CATSPERG: variants seen among roughly 807,000 people sequenced by gnomAD.
The protein encoded by CATSPERG is catsper channel auxiliary subunit gamma.
A neutral mutation model predicts 145.0 loss-of-function variants in CATSPERG; 115 were observed. The ratio of observed to expected loss-of-function variants is 0.79; its 90% CI spans 0.68 to 0.93. The LOEUF is 0.93. CATSPERG is among the 40% of genes least tolerant of loss of function. The probability of loss-of-function intolerance (pLI) is 0.00; values close to 1 mark genes in which losing one functional copy is unlikely to be tolerated. For synonymous variants in CATSPERG, 588 were observed against 589.0 expected, an observed-to-expected ratio of 1.00 and a Z score of 0.02; for missense variants, 1,296 against 1,490.1, an observed-to-expected ratio of 0.87 and a Z score of 2.14.
rs773703205 is a variant in CATSPERG, at chr19:38,368,136, G to A, written c.3019G>A (p.Glu1007Lys). 13 of 1,613,840 alleles carry A rather than the reference G, an allele frequency of 8.1e-6. No individual in the cohort carries two copies. The Admixed American group carries it at 1.7e-4, about 21-fold the overall frequency. The part of the protein sequence containing the change: ...HIMSHESPGI[E>K]WLCLENAPCY... ...CATGTCCCACGAGAGCCCAGGCATCGAGTGAGTGCGTAGCCTGGCCCCTCT... is the reference window on the plus strand; with the variant it reads ...CATGTCCCACGAGAGCCCAGGCATCAAGTGAGTGCGTAGCCTGGCCCCTCT... Residue 1007 changes from glutamate (E) to lysine (K), a missense_variant and splice_region_variant, in exon 26 of 29, where the codon GAG becomes AAG. Coordinates refer to ENST00000409235, the MANE Select transcript of CATSPERG (RefSeq NM_021185.5).
At chr19:38,356,985 C>A in intron 11 of CATSPERG, 124 bp downstream of exon 11, 1 of 1,270,398 alleles carries the variant, frequency 7.9e-7, no homozygotes, top group African/African-American at 1.5e-5. Flanking sequence ...TGTGTCACTC[C>A]TGGTTGAGGA....
Position 38,368,109 on chromosome 19 carries a change from A to G in CATSPERG, c.2992A>G (p.Ile998Val), listed in dbSNP as rs1453030523. 4.3e-6 allele frequency: 7 copies of G among 1,613,906 alleles called. No individual in the cohort carries two copies. Among genetic ancestry groups the G allele is most frequent in the Non-Finnish European group, 4.2e-6 (5 of 1,179,986 alleles). The change falls in exon 26 of 29, where the codon ATC becomes GTC. Residue 998 changes from isoleucine (I) to valine (V), a missense_variant. Coordinates refer to ENST00000409235, the MANE Select transcript of CATSPERG (RefSeq NM_021185.5). Reference protein sequence around the residue: ...TRTTKDSAFHIMSHESPGIEW... With the variant: ...TRTTKDSAFHVMSHESPGIEW... ...GACCACCAAAGACTCAGCCTTTCACATCATGTCCCACGAGAGCCCAGGCAT... is the reference window on the plus strand; with the variant it reads ...GACCACCAAAGACTCAGCCTTTCACGTCATGTCCCACGAGAGCCCAGGCAT...
chr19:38,362,977 ATCC>A (rs1359834689), intron 20 of CATSPERG, 145 bp downstream of exon 20: 21 of 625,216 alleles, frequency 3.4e-5, no homozygotes, highest in Middle Eastern at 4.4e-4. Context: ...GGCTCAAGCG[ATCC>A]TCCTCCCTCA....
Position 38,335,879 on chromosome 19 carries a change from C to T in CATSPERG, c.-15+4C>T. The T allele has an allele frequency of 3.9e-6, 1 of 253,480 alleles. No individual in the cohort carries two copies. The highest frequency in any genetic ancestry group is 8.0e-6 in the Non-Finnish European group (1 of 124,496). 15.7% of individuals were successfully genotyped at this position (253,480 alleles called of 1,614,324 possible). On this transcript the variant is annotated splice_donor_region_variant and intron_variant, in intron 1 of 28. Coordinates refer to ENST00000409235, the MANE Select transcript of CATSPERG (RefSeq NM_021185.5). ...ACCGGTTTTAACCAAGTGACTGGTA[C>T]CACGGGGCCGGGGAAAAAGCTGTGC...
chr19:38,344,034 A>T lies in CATSPERG; in HGVS notation c.511A>T (p.Thr171Ser). 1 of 1,551,364 alleles carries T rather than the reference A, an allele frequency of 6.4e-7. No individual in the cohort carries two copies. The highest frequency in any genetic ancestry group is 1.7e-4 in the Middle Eastern group (1 of 5,830). Residue 171 changes from threonine to serine, a missense_variant, in exon 5 of 29, where the codon ACG becomes TCG. Physicochemically the swap from Thr to Ser is moderately conservative, Grantham distance 58 (BLOSUM62 1). Transcript: ENST00000409235. Reference protein sequence around the residue: ...AEEVCSMSWYTPMPIKKGSVV... With the variant: ...AEEVCSMSWYSPMPIKKGSVV... The stretch of plus-strand genomic sequence containing the variant: ...AGAAGTGTGTAGCATGAGCTGGTAC[A>T]CGCCCATGCCCATCAAGAAAGGCAG...
intron 22 of CATSPERG, chr19:38,366,863 T>G: frequency 3.0e-6 from 1 of 338,486 alleles, no homozygotes; most frequent in Non-Finnish European, 5.4e-6. Context: ...CAGCTAATTT[T>G]TTGTATTTTT....
rs761642565 is a variant in CATSPERG, at chr19:38,367,548, G to A, written c.2810G>A (p.Gly937Glu). 6.2e-7 allele frequency: 1 copy of A among 1,614,094 alleles called. No homozygotes were observed. Among genetic ancestry groups the A allele is most frequent in the Non-Finnish European group, 8.5e-7 (1 of 1,180,016 alleles). The change falls in exon 24 of 29, where the codon GGA becomes GAA. Residue 937 changes from glycine to glutamate, a missense_variant. By Grantham distance (98) the Gly-to-Glu change is moderately conservative. Coordinates refer to ENST00000409235, the MANE Select transcript of CATSPERG (RefSeq NM_021185.5). ...PFFLIQDLVT[G>E]DSGSFQGSYV... ...TTCTTGATTCAAGATTTGGTGACAG[G>A]AGACTCCGGCAGTTTCCAGGGCAGG... is the stretch of plus-strand genomic sequence containing the variant.
At chr19:38,359,746 G>A in intron 14 of CATSPERG, 165 bp downstream of exon 14, 3 of 1,371,698 alleles carry the variant, frequency 2.2e-6, no homozygotes, top group South Asian at 3.1e-5. Context: ...CTGGAACTCA[G>A]GGTAAGTGTC....
At position 38,354,952 on chromosome 19, in the gene CATSPERG, G is replaced by A. The variant is rs551441296; in HGVS notation, c.1135+105G>A. 2.9e-5 allele frequency: 39 copies of A among 1,355,154 alleles called. No individual in the cohort carries two copies. The African/African-American group carries it at 5.2e-4, about 18-fold the overall frequency. The allele number at this position is 1,355,154 out of a possible 1,614,324, so 83.9% of individuals were successfully genotyped here. On this transcript the variant is annotated intron_variant, in intron 9 of 28. Transcript: ENST00000409235. ...CACTCATTACCATGTGCCCTGAGGA[G>A]GGCCCCTAGGCTGAGGGTGATGGTG...
rs150283647 is a variant in CATSPERG, at chr19:38,368,120, C to T, written c.3003C>T (p.His1001=). 2.3e-5 allele frequency: 37 copies of T among 1,614,140 alleles called. No individual in the cohort carries two copies. Among genetic ancestry groups the T allele is most frequent in the African/African-American group, 1.6e-4 (12 of 75,046 alleles). ...TKDSAFHIMS[H]ESPGIEWLCL... ...ACTCAGCCTTTCACATCATGTCCCA[C>T]GAGAGCCCAGGCATCGAGTGAGTGC... Residue 1001 remains histidine (H), a synonymous_variant, in exon 26 of 29, where the codon CAC becomes CAT. Transcript: ENST00000409235.
Position 38,344,897 on chromosome 19 carries a change from A to T in CATSPERG, c.669+529A>T, listed in dbSNP as rs1275905669. Among the ~76,000 whole-genome samples, 420 of 104,614 alleles carry T rather than the reference A, an allele frequency of 4.0e-3. 32 individuals carry two copies. The highest frequency in any genetic ancestry group is 9.1e-3 in the Middle Eastern group (2 of 220). 68.6% of individuals were successfully genotyped at this position (104,614 alleles called of 152,430 possible). A position where few individuals can be genotyped will look rare whatever the true frequency, so the allele number is the denominator to read the frequency against. On this transcript the variant is annotated intron_variant, in intron 6 of 28. Coordinates refer to ENST00000409235, the MANE Select transcript of CATSPERG (RefSeq NM_021185.5). ...CACACACACACATATATATATATAT[A>T]TATATTTTTTTTTTTTTTTTTTTTT...
At chr19:38,369,554 C>A (rs1970511653) in intron 26 of CATSPERG, 1 of 281,382 alleles carries the variant, frequency 3.6e-6, no homozygotes, top group Non-Finnish European at 7.1e-6. Context: ...AACCACTATG[C>A]CTGGCCTAAC....
At position 38,362,422 on chromosome 19, in the gene CATSPERG, T is replaced by A. The variant is rs1970365862; in HGVS notation, c.2204T>A (p.Val735Glu). The A allele has an allele frequency of 1.2e-6, 2 of 1,614,024 alleles. No individual in the cohort carries two copies. The highest frequency in any genetic ancestry group is 1.7e-5 in the Admixed American group (1 of 60,010). ...AGCAATTGGCGAAGCGCGGGCGGCG[T>A]GTCCATAGAAATGGACAGCTACGAA... ...LASNWRSAGG[V>E]SIEMDSYEKI... is the part of the protein sequence containing the mutation. Residue 735 changes from valine (V) to glutamate (E), a missense_variant, in exon 19 of 29, where the codon GTG becomes GAG. Coordinates refer to ENST00000409235, the MANE Select transcript of CATSPERG (RefSeq NM_021185.5).
chr19:38,345,782 G>A (rs1453947551), intron 6 of CATSPERG, among the ~76,000 whole-genome samples: 1 of 152,070 alleles, frequency 6.6e-6, no homozygotes, highest in Non-Finnish European at 1.5e-5. Flanking sequence ...AAAGTGCTGG[G>A]ATTACAGGCA....
rs576701757 is a variant in CATSPERG at position 38,352,595 on chromosome 19, C to CTTT, written c.997+185_997+187dup. Reference sequence around the variant, plus strand: ...CACCCCGAATGGGCCTTGCCTTGCCCTTTTTTTTTTTTTTTTTTTTTTTTG... The same window carrying CTTT: ...CACCCCGAATGGGCCTTGCCTTGCCCTTTTTTTTTTTTTTTTTTTTTTTTTTTG... On this transcript the variant is annotated intron_variant, in intron 8 of 28. Transcript: ENST00000409235. 6.8e-3 allele frequency: 2,123 copies of CTTT among 312,070 alleles called. 6 individuals are homozygous for CTTT. Among genetic ancestry groups the CTTT allele is most frequent in the South Asian group, 0.01 (411 of 40,662 alleles). The allele number at this position is 312,070 out of a possible 1,614,324, so 19.3% of individuals were successfully genotyped here.
chr19:38,359,646 T>A (rs1344869195), intron 14 of CATSPERG, 65 bp downstream of exon 14: 9 of 1,514,620 alleles, frequency 5.9e-6, no homozygotes, highest in Non-Finnish European at 7.1e-6. Context: ...GGGCCCCTCT[T>A]TCCCCCGTCA....
chr19:38,359,798 A>C (rs1970312551), intron 14 of CATSPERG: 1 of 1,301,112 alleles, frequency 7.7e-7, no homozygotes, highest in African/African-American at 1.5e-5. Context: ...TCCGATGTTC[A>C]GAGGCGGCCC....
intron 22 of CATSPERG, 149 bp downstream of exon 22, chr19:38,365,266 CCACT>C (rs1189523227): frequency 4.5e-6 from 3 of 661,380 alleles, no homozygotes; most frequent in Non-Finnish European, 7.9e-6. Flanking sequence ...CCACTACCAC[CCACT>C]AACTCCTTTC....
chr19:38,345,604 A>G (rs1159655002), intron 6 of CATSPERG, among the ~76,000 whole-genome samples: 3 of 151,686 alleles, frequency 2.0e-5, no homozygotes, highest in Non-Finnish European at 4.4e-5. Context: ...TCCCGGGTAC[A>G]AGCAATTCTC....
Sources: allele counts gnomAD v4.1 joint callset (sites outside exome capture counted in the v4.1 genomes callset), GRCh38; gene constraint gnomAD v4.1.1; transcripts MANE v1.5; gene names NCBI Gene and HGNC (gene_info 2026-07-23, HGNC 2026-07-21).